SNTG1: variants seen among roughly 807,000 people sequenced by gnomAD.
The protein encoded by SNTG1 is syntrophin gamma 1.
Under a neutral mutation model 74.7 loss-of-function variants are expected in SNTG1, and 39 were observed. That is an observed-to-expected ratio of 0.52 (90% confidence interval 0.40 to 0.68). The LOEUF (loss-of-function observed/expected upper bound fraction) is 0.68, where lower values mean the gene tolerates loss of function less well. Among genes scored for constraint, SNTG1 ranks in the 30% least tolerant of loss-of-function variants. SNTG1 has a pLI of 0.00. For missense variants in SNTG1, 685 were observed against 609.5 expected (o/e 1.12, Z -1.30); for synonymous variants, 254 against 217.1 (o/e 1.17, Z -1.49).
intron 13 of SNTG1, among the ~76,000 whole-genome samples, chr8:50,651,006 T>C (rs1023451201): frequency 1.3e-5 from 2 of 152,132 alleles, no homozygotes; most frequent in African/African-American, 4.8e-5. Context: ...TGGCCTCTCA[T>C]TTAAATTTTA....
chr8:49,969,390 T>TAA (rs1278963442), intron 1 of SNTG1, among the ~76,000 whole-genome samples: 1 of 89,198 alleles, frequency 1.1e-5, no homozygotes, highest in Non-Finnish European at 2.0e-5. Context: ...ATTTAATCTT[T>TAA]TTTTTTTTTT....
chr8:50,432,847 A>T (rs1041947877), intron 4 of SNTG1, among the ~76,000 whole-genome samples: 1 of 151,486 alleles, frequency 6.6e-6, no homozygotes, highest in African/African-American at 2.4e-5. Flanking sequence ...GCTGGAGTGC[A>T]GTGGCACAGT....
chr8:50,666,573 T>A (rs1472162731), intron 15 of SNTG1, among the ~76,000 whole-genome samples: 2 of 152,110 alleles, frequency 1.3e-5, no homozygotes, highest in Non-Finnish European at 2.9e-5. Context: ...TAAATCTGAT[T>A]GTATTAAAAA....
chr8:50,009,519 C>A (rs549750542), intron 1 of SNTG1, among the ~76,000 whole-genome samples: 1 of 152,102 alleles, frequency 6.6e-6, no homozygotes, highest in South Asian at 2.1e-4. Context: ...TTTGTGGTGC[C>A]GTTTAGTTTC....
At chr8:50,153,071 T>C (rs2131549943) in intron 1 of SNTG1, among the ~76,000 whole-genome samples, 1 of 152,358 alleles carries the variant, frequency 6.6e-6, no homozygotes, top group Non-Finnish European at 1.5e-5. Flanking sequence ...TCTTTTCACA[T>C]AGTACCATAT....
intron 1 of SNTG1, among the ~76,000 whole-genome samples, chr8:49,916,094 C>T (rs1233372830): frequency 6.6e-6 from 1 of 152,004 alleles, no homozygotes; most frequent in African/African-American, 2.4e-5. Context: ...ACAGTTATTT[C>T]CAGCATTGTT....
At position 50,372,347 on chromosome 8, in the gene SNTG1, A is replaced by C. The variant is rs544979407; in HGVS notation, c.-27-21865A>C. ...ATCTTATATAATATATTTTAAATTG[A>C]TAACAACTTAACTTCAATTACTTAC... On this transcript the variant is annotated intron_variant, in intron 2 of 18. Transcript: ENST00000642720. 2.6e-5 allele frequency among the ~76,000 whole-genome samples: 4 copies of C among 151,860 alleles called. No individual in the cohort carries two copies. The South Asian group carries it at 8.3e-4, about 32-fold the overall frequency.
At chr8:50,585,890 T>G (rs892423557) in intron 12 of SNTG1, among the ~76,000 whole-genome samples, 2 of 152,238 alleles carry the variant, frequency 1.3e-5, no homozygotes, top group East Asian at 1.9e-4. Context: ...TATCTTTATA[T>G]TGAGAGTTCA....
At chr8:50,437,824 T>C (rs182783218) in intron 4 of SNTG1, among the ~76,000 whole-genome samples, 14 of 152,306 alleles carry the variant, frequency 9.2e-5, no homozygotes, top group African/African-American at 3.4e-4. Context: ...ATTTTTCAAA[T>C]TGAAAATTAC....
chr8:50,735,788 C>T (rs2131639429), intron 17 of SNTG1, among the ~76,000 whole-genome samples: 1 of 152,018 alleles, frequency 6.6e-6, no homozygotes, highest in African/African-American at 2.4e-5. Context: ...AAAGATACTC[C>T]TCAAGAAGAG....
At chr8:50,726,057 G>C (rs531755623) in intron 17 of SNTG1, among the ~76,000 whole-genome samples, 39 of 152,236 alleles carry the variant, frequency 2.6e-4, no homozygotes, top group African/African-American at 9.2e-4. Context: ...TCAGTGCCTA[G>C]TTGTGTACAG....
intron 2 of SNTG1, among the ~76,000 whole-genome samples, chr8:50,357,869 A>G (rs1217883609): frequency 6.6e-6 from 1 of 152,226 alleles, no homozygotes; most frequent in East Asian, 1.9e-4. Flanking sequence ...TAACTGCTAG[A>G]TGATCCTGGC....
chr8:50,627,709 T>G (rs368581403), intron 13 of SNTG1, among the ~76,000 whole-genome samples: 2 of 152,154 alleles, frequency 1.3e-5, no homozygotes, highest in African/African-American at 4.8e-5. Flanking sequence ...CTTCTAATTA[T>G]CAGTTTATTA....
chr8:49,915,563 T>C (rs1805954783), intron 1 of SNTG1, among the ~76,000 whole-genome samples: 1 of 152,232 alleles, frequency 6.6e-6, no homozygotes, highest in Admixed American at 6.5e-5. Context: ...ACATTCTATA[T>C]CAATTGGACA....
At chr8:49,961,968 G>T (rs888384821) in intron 1 of SNTG1, among the ~76,000 whole-genome samples, 1 of 152,210 alleles carries the variant, frequency 6.6e-6, no homozygotes, top group Non-Finnish European at 1.5e-5. Flanking sequence ...CTTTCAGGGA[G>T]TTTGAGAATG....
intron 1 of SNTG1, among the ~76,000 whole-genome samples, chr8:50,135,636 A>G (rs903808646): frequency 6.6e-6 from 1 of 152,154 alleles, no homozygotes; most frequent in Non-Finnish European, 1.5e-5. Flanking sequence ...TTAAAAAAAA[A>G]ATTCAATGAA....
At chr8:49,950,310 G>A (rs1322976306) in intron 1 of SNTG1, among the ~76,000 whole-genome samples, 1 of 152,086 alleles carries the variant, frequency 6.6e-6, no homozygotes, top group African/African-American at 2.4e-5. Context: ...CATGGCACAT[G>A]ATAAATGCAA....
At chr8:50,670,607 G>A (rs1314454549) in intron 15 of SNTG1, among the ~76,000 whole-genome samples, 3 of 143,552 alleles carry the variant, frequency 2.1e-5, no homozygotes, top group South Asian at 2.4e-4. Flanking sequence ...CATGAAAATG[G>A]CCATACTGCC....
At position 50,792,570 on chromosome 8, in the gene SNTG1, T is replaced by C. The variant is rs73677530; in HGVS notation, c.1396-101T>C. 5,407 of 1,198,358 alleles carry C rather than the reference T, an allele frequency of 4.5e-3. 156 individuals carry two copies. The African/African-American group carries it at 0.065, about 15-fold the overall frequency. 74.2% of individuals were successfully genotyped at this position (1,198,358 alleles called of 1,614,324 possible). The stretch of plus-strand genomic sequence containing the variant: ...GTTTCCACATGTTACATATCATAGA[T>C]TCTAGATAAGTGTATTGAAATTGAA... On this transcript the variant is annotated intron_variant, in intron 18 of 18. Transcript: ENST00000642720.
Sources: allele counts gnomAD v4.1 joint callset (sites outside exome capture counted in the v4.1 genomes callset), GRCh38; gene constraint gnomAD v4.1.1; transcripts MANE v1.5; gene names NCBI Gene and HGNC (gene_info 2026-07-23, HGNC 2026-07-21).